Variants in CPQ observed in about 807,000 individuals in gnomAD.
The protein encoded by CPQ is Ser-Met dipeptidase.
In CPQ, 37 loss-of-function variants were observed where a neutral mutation model predicts 45.7. The observed-to-expected ratio is 0.81, with a 90% CI of 0.62 to 1.07. The LOEUF (loss-of-function observed/expected upper bound fraction) is 1.07, where lower values mean the gene tolerates loss of function less well. Among genes scored for constraint, CPQ ranks in the 50% least tolerant of loss-of-function variants. CPQ has a pLI of 0.00. For synonymous variants in CPQ, 186 were observed against 205.8 expected, an observed-to-expected ratio of 0.90 and a Z score of 0.82; for missense variants, 537 against 572.9, an observed-to-expected ratio of 0.94 and a Z score of 0.64.
chr8:96,800,516 G>C (rs1221871432), intron 2 of CPQ, among the ~76,000 whole-genome samples: 4 of 151,982 alleles, frequency 2.6e-5, no homozygotes, highest in South Asian at 2.1e-4. Context: ...GACCCCTAAA[G>C]GTACATATTC....
intron 3 of CPQ, among the ~76,000 whole-genome samples, chr8:96,870,660 T>C (rs1296784151): frequency 6.6e-6 from 1 of 152,028 alleles, no homozygotes; most frequent in African/African-American, 2.4e-5. Flanking sequence ...TTCACAGGGT[T>C]GTAATAACTG....
chr8:96,660,021 G>A (rs892031978), intron 1 of CPQ, among the ~76,000 whole-genome samples: 6 of 152,080 alleles, frequency 3.9e-5, no homozygotes, highest in African/African-American at 1.4e-4. Flanking sequence ...TCCTAATTTG[G>A]CATTTAAGGT....
intron 7 of CPQ, among the ~76,000 whole-genome samples, chr8:97,081,403 C>T (rs1810947825): frequency 6.6e-6 from 1 of 152,116 alleles, no homozygotes; most frequent in Admixed American, 6.6e-5. Flanking sequence ...TCAAAGCCCA[C>T]ATAAACCCAA....
intron 4 of CPQ, among the ~76,000 whole-genome samples, chr8:96,918,752 T>A (rs1409492272): frequency 6.6e-6 from 1 of 152,078 alleles, no homozygotes; most frequent in Non-Finnish European, 1.5e-5. Context: ...GGTCACTAAG[T>A]CACAAGCCTT....
chr8:96,746,476 T>C (rs1016125284), intron 1 of CPQ, among the ~76,000 whole-genome samples: 17 of 152,314 alleles, frequency 1.1e-4, no homozygotes, highest in African/African-American at 4.1e-4. Context: ...GAAAAACCTT[T>C]CTGTCAGCAG....
At chr8:96,903,001 G>A (rs1812532590) in intron 4 of CPQ, among the ~76,000 whole-genome samples, 3 of 152,018 alleles carry the variant, frequency 2.0e-5, no homozygotes, top group Admixed American at 2.0e-4. Context: ...TGAAGTGATA[G>A]GCAGGATAGT....
chr8:97,088,082 T>C (rs1811070192), intron 7 of CPQ, among the ~76,000 whole-genome samples: 1 of 152,172 alleles, frequency 6.6e-6, no homozygotes, highest in Non-Finnish European at 1.5e-5. Context: ...TTTTACTTCA[T>C]AGTATGTTGT....
At chr8:97,103,946 G>A (rs1811358282) in intron 7 of CPQ, among the ~76,000 whole-genome samples, 1 of 152,138 alleles carries the variant, frequency 6.6e-6, no homozygotes, top group African/African-American at 2.4e-5. Context: ...AGACTGCATA[G>A]GATGGCCTAC....
chr8:97,050,086 C>T (rs1210465701), intron 6 of CPQ, among the ~76,000 whole-genome samples: 1 of 152,178 alleles, frequency 6.6e-6, no homozygotes, highest in African/African-American at 2.4e-5. Context: ...TGGGAGGCCT[C>T]CATGATTCAT....
At chr8:96,866,025 G>C in intron 3 of CPQ, among the ~76,000 whole-genome samples, 1 of 152,028 alleles carries the variant, frequency 6.6e-6, no homozygotes, top group East Asian at 1.9e-4. Flanking sequence ...TGTACTTAGA[G>C]GCAGAAATTG....
At chr8:96,699,277 G>A (rs1809425434) in intron 1 of CPQ, among the ~76,000 whole-genome samples, 1 of 152,048 alleles carries the variant, frequency 6.6e-6, no homozygotes, top group Admixed American at 6.6e-5. Flanking sequence ...GAGTTAAAAA[G>A]TAAGACAATT....
At chr8:96,994,620 G>C (rs1809147377) in intron 5 of CPQ, among the ~76,000 whole-genome samples, 1 of 152,044 alleles carries the variant, frequency 6.6e-6, no homozygotes, top group South Asian at 2.1e-4. Flanking sequence ...ACTAAGGAGA[G>C]CGTAGAAGGA....
At position 96,992,162 on chromosome 8, in the gene CPQ, G is replaced by A. The variant is rs1229967848; in HGVS notation, c.961+26116G>A. On this transcript the variant is annotated intron_variant, in intron 5 of 7. Transcript: ENST00000220763. Reference sequence around the variant, plus strand: ...TTCTTCTTTGGTTTTTGATGTATGAGTATTTTTAGTGACAAAGATAATTAG... The same window carrying A: ...TTCTTCTTTGGTTTTTGATGTATGAATATTTTTAGTGACAAAGATAATTAG... Among the ~76,000 whole-genome samples, 4 of 152,182 alleles carry A rather than the reference G, an allele frequency of 2.6e-5. No individual in the cohort carries two copies. The East Asian group carries it at 5.8e-4, about 22-fold the overall frequency.
At chr8:96,977,565 A>G (rs1483296037) in intron 5 of CPQ, among the ~76,000 whole-genome samples, 1 of 152,214 alleles carries the variant, frequency 6.6e-6, no homozygotes, top group African/African-American at 2.4e-5. Flanking sequence ...ATGATTTGCA[A>G]TTGCAAAACC....
chr8:97,118,572 A>C (rs1041056050), intron 7 of CPQ, among the ~76,000 whole-genome samples: 1 of 152,210 alleles, frequency 6.6e-6, no homozygotes, highest in Non-Finnish European at 1.5e-5. Context: ...CCTACATAGC[A>C]GGGTTCTTGT....
At chr8:97,139,090 A>G (rs911462766) in intron 7 of CPQ, among the ~76,000 whole-genome samples, 6 of 152,212 alleles carry the variant, frequency 3.9e-5, no homozygotes, top group Non-Finnish European at 5.9e-5. Context: ...AGGACATACC[A>G]GGGTAATACT....
rs1184459166 is a variant in CPQ, at chr8:96,979,699, TTTAG to T, written c.961+13659_961+13662del. Reference sequence around the variant, plus strand: ...TTTTAATTGCCGTGGAACGTAAGGGTTTAGTTAGTCTATTCTTAGGCTCCTCGAC... The same window carrying T: ...TTTTAATTGCCGTGGAACGTAAGGGTTTAGTCTATTCTTAGGCTCCTCGAC... On this transcript the variant is annotated intron_variant, in intron 5 of 7. Coordinates refer to ENST00000220763, the MANE Select transcript of CPQ (RefSeq NM_016134.4). Among the ~76,000 whole-genome samples the T allele has an allele frequency of 1.3e-4, 19 of 151,908 alleles. 1 individual carries two copies. Among genetic ancestry groups the T allele is most frequent in the African/African-American group, 4.6e-4 (19 of 41,332 alleles).
At chr8:96,654,689 TACTTTCTG>T (rs1381919200) in intron 1 of CPQ, among the ~76,000 whole-genome samples, 1 of 152,220 alleles carries the variant, frequency 6.6e-6, no homozygotes, top group Non-Finnish European at 1.5e-5. Context: ...ACCAGCAAGA[TACTTTCTG>T]ACTTCAGAGA....
chr8:96,689,441 A>C (rs2514777), intron 1 of CPQ, among the ~76,000 whole-genome samples: 96,605 of 151,944 alleles, frequency 0.64, 31,022 homozygotes, highest in Non-Finnish European at 0.68. Flanking sequence ...GGTCTTCGTT[A>C]TAGAGAATTC....
Sources: allele counts gnomAD v4.1 joint callset (sites outside exome capture counted in the v4.1 genomes callset), GRCh38; gene constraint gnomAD v4.1.1; transcripts MANE v1.5; gene names NCBI Gene and HGNC (gene_info 2026-07-23, HGNC 2026-07-21).